STXBP4: variants seen among roughly 807,000 people sequenced by gnomAD.
STXBP4 encodes the protein syntaxin binding protein 4.
A neutral mutation model predicts 76.1 loss-of-function variants in STXBP4; 55 were observed. The ratio of observed to expected loss-of-function variants is 0.72; its 90% CI spans 0.58 to 0.91. STXBP4 has a LOEUF of 0.91. Among genes scored for constraint, STXBP4 ranks in the 40% least tolerant of loss-of-function variants. STXBP4 has a pLI of 0.00. For missense variants in STXBP4, 618 were observed against 636.9 expected, an observed-to-expected ratio of 0.97 and a Z score of 0.32; for synonymous variants, 201 against 220.2, an observed-to-expected ratio of 0.91 and a Z score of 0.77.
At chr17:55,068,871 G>A (rs1055300820) in intron 12 of STXBP4, among the ~76,000 whole-genome samples, 5 of 151,976 alleles carry the variant, frequency 3.3e-5, no homozygotes, top group African/African-American at 1.2e-4. Context: ...CCCATTCAAA[G>A]CCCATGTTTT....
At position 54,985,330 on chromosome 17, in the gene STXBP4, A is replaced by AAAC. The variant is rs367752984; in HGVS notation, c.-156-263_-156-261dup. Among the ~76,000 whole-genome samples the AAAC allele has an allele frequency of 6.2e-4, 94 of 152,162 alleles. No individual in the cohort carries two copies. The Middle Eastern group carries it at 0.014, about 22-fold the overall frequency. On this transcript the variant is annotated intron_variant, in intron 1 of 17. Coordinates refer to ENST00000376352, the MANE Select transcript of STXBP4 (RefSeq NM_178509.6). ...ACCTGAGTTCTAGTTAGGAGAAGAA[A>AAAC]AACAACAACAACAACAACAACAAAA...
In STXBP4 at chr17:55,081,147, C is replaced by A; in HGVS notation, c.1453C>A (p.Leu485Ile). 5 of 1,538,926 alleles carry A rather than the reference C, an allele frequency of 3.2e-6. No individual in the cohort carries two copies. The highest frequency in any genetic ancestry group is 4.4e-6 in the Non-Finnish European group (5 of 1,148,610). ...AACGCTGGCGCTTGAATCTAAGGAA[C>A]TTGTTAAATCTGTTCGTGCCTTACT... Reference protein sequence around the residue: ...PATLALESKELVKSVRALLDM... With the variant: ...PATLALESKEIVKSVRALLDM... Residue 485 changes from leucine to isoleucine, a missense_variant, in exon 16 of 18, where the codon CTT becomes ATT. Leu to Ile is a conservative substitution (Grantham distance 5). Coordinates refer to ENST00000376352, the MANE Select transcript of STXBP4 (RefSeq NM_178509.6).
At chr17:55,001,453 C>T (rs1047751649) in intron 7 of STXBP4, among the ~76,000 whole-genome samples, 1 of 151,906 alleles carries the variant, frequency 6.6e-6, no homozygotes, top group African/African-American at 2.4e-5. Flanking sequence ...TTTTATGTGG[C>T]TATAAGGTGC....
In STXBP4 at chr17:55,063,379, A is replaced by G. The variant is rs78979730; in HGVS notation, c.1012-9521A>G. ...ATTTTCAATGTTGGAAGAATCTGCA[A>G]TTCTTCATAGGAACCTTCCAGTTCA... is the stretch of plus-strand genomic sequence containing the variant. On this transcript the variant is annotated intron_variant, in intron 12 of 17. Coordinates refer to ENST00000376352, the MANE Select transcript of STXBP4 (RefSeq NM_178509.6). Among the ~76,000 whole-genome samples, 43 of 152,348 alleles carry G rather than the reference A, an allele frequency of 2.8e-4. No individual in the cohort carries two copies. The East Asian group carries it at 4.8e-3, about 17-fold the overall frequency.
chr17:55,159,909 T>C lies in STXBP4; in HGVS notation c.1660T>C (p.Ter554ArgextTer13). Residue 554 changes from the stop codon to arginine, a stop_lost, in exon 18 of 18, where the codon TGA (stop) becomes CGA (arginine). Coordinates refer to ENST00000376352, the MANE Select transcript of STXBP4 (RefSeq NM_178509.6). Reference protein sequence around the residue: ...CSRELPNQKS* With the variant: ...CSRELPNQKSR ...TAGAGAACTCCCCAACCAGAAAAGT[T>C]GATGGTTTTCCTTAGGAAGTGGAGC... 6.2e-7 allele frequency: 1 copy of C among 1,604,100 alleles called. No homozygotes were observed. The highest frequency in any genetic ancestry group is 8.5e-7 in the Non-Finnish European group (1 of 1,171,218).
At chr17:55,004,608 G>GT (rs1424351748) in intron 7 of STXBP4, among the ~76,000 whole-genome samples, 7 of 151,850 alleles carry the variant, frequency 4.6e-5, no homozygotes, top group African/African-American at 1.7e-4. Context: ...ATCTGAGGTG[G>GT]GAGGATCGCT....
the STXBP4 span, among the ~76,000 whole-genome samples, chr17:55,213,257 A>C: frequency 6.6e-6 from 1 of 152,170 alleles, no homozygotes; most frequent in African/African-American, 2.4e-5. Flanking sequence ...TCATGCCTGT[A>C]ATCCCAGCAC....
At chr17:55,149,399 T>TA (rs2080190766) in intron 17 of STXBP4, among the ~76,000 whole-genome samples, 1 of 152,218 alleles carries the variant, frequency 6.6e-6, no homozygotes, top group Non-Finnish European at 1.5e-5. Context: ...CTTTTAAGTG[T>TA]GACCTTGGTA....
rs1451521633 is a variant in STXBP4 at position 55,168,944 on chromosome 17, T to C, written c.*9033T>C. The stretch of plus-strand genomic sequence containing the variant: ...TCTCAATAGTCCTTAAATGGTTTAT[T>C]GACCAAAAAGTAAAGAAGTAACAGT... On this transcript the variant is annotated 3_prime_UTR_variant, in exon 18 of 18. Transcript: ENST00000376352. 6.6e-6 allele frequency: 1 copy of C among 152,214 alleles called. No individual in the cohort carries two copies. Among genetic ancestry groups the C allele is most frequent in the Admixed American group, 6.5e-5 (1 of 15,284 alleles). The allele number at this position is 152,214 out of a possible 1,614,324, so 9.4% of individuals were successfully genotyped here.
At chr17:55,114,644 T>A (rs1307041255) in intron 16 of STXBP4, among the ~76,000 whole-genome samples, 2 of 152,048 alleles carry the variant, frequency 1.3e-5, no homozygotes, top group Non-Finnish European at 2.9e-5. Flanking sequence ...CAGAAAAGGC[T>A]TAACATTTAA....
At chr17:55,185,263 CCTTCTCCTTCTCCTT>C in the STXBP4 span, among the ~76,000 whole-genome samples, 17 of 51,464 alleles carry the variant, frequency 3.3e-4, no homozygotes, top group African/African-American at 1.3e-3. Context: ...TTCTCCTTCT[CCTTCTCCTTCTCCTT>C]CTCCTTCTCC....
At chr17:55,095,283 A>G (rs959826605) in intron 16 of STXBP4, among the ~76,000 whole-genome samples, 7 of 152,226 alleles carry the variant, frequency 4.6e-5, no homozygotes, top group Admixed American at 1.3e-4. Flanking sequence ...GATTCCTTTC[A>G]CAATTAGAAC....
At chr17:55,127,034 A>G (rs1005998069) in intron 16 of STXBP4, among the ~76,000 whole-genome samples, 19 of 152,192 alleles carry the variant, frequency 1.2e-4, no homozygotes, top group African/African-American at 4.6e-4. Flanking sequence ...ATGTAAGTGT[A>G]CAATTCACTG....
chr17:55,014,812 C>T (rs1430694359), intron 8 of STXBP4, among the ~76,000 whole-genome samples: 1 of 152,122 alleles, frequency 6.6e-6, no homozygotes, highest in Non-Finnish European at 1.5e-5. Flanking sequence ...CCTCGTAGGC[C>T]ACACTGGAAG....
intron 8 of STXBP4, among the ~76,000 whole-genome samples, chr17:55,018,331 A>T (rs775411733): frequency 2.0e-4 from 30 of 152,200 alleles, no homozygotes; most frequent in Non-Finnish European, 3.5e-4. Flanking sequence ...ATTGAGAGGG[A>T]TGGAAGTCAG....
chr17:55,022,872 A>T (rs562216474), intron 8 of STXBP4, among the ~76,000 whole-genome samples: 1 of 152,304 alleles, frequency 6.6e-6, no homozygotes, highest in East Asian at 1.9e-4. Flanking sequence ...ATTTCTTTAT[A>T]GGCCAAGGTG....
chr17:55,058,635 C>T (rs1485858102), intron 12 of STXBP4, among the ~76,000 whole-genome samples: 2 of 152,032 alleles, frequency 1.3e-5, no homozygotes, highest in Non-Finnish European at 2.9e-5. Flanking sequence ...TGATATGGCC[C>T]ACTGAAAGCT....
intron 16 of STXBP4, among the ~76,000 whole-genome samples, chr17:55,094,604 C>T (rs73992606): frequency 6.6e-6 from 1 of 152,148 alleles, no homozygotes; most frequent in Non-Finnish European, 1.5e-5. Context: ...CATATTGTTT[C>T]AATGAGTAAA....
chr17:55,027,527 A>G (rs1300351348), intron 8 of STXBP4, among the ~76,000 whole-genome samples: 3 of 152,190 alleles, frequency 2.0e-5, no homozygotes, highest in African/African-American at 4.8e-5. Flanking sequence ...CAATTCATCT[A>G]TGTAATCAAA....
Sources: allele counts gnomAD v4.1 joint callset (sites outside exome capture counted in the v4.1 genomes callset), GRCh38; gene constraint gnomAD v4.1.1; transcripts MANE v1.5; gene names NCBI Gene and HGNC (gene_info 2026-07-23, HGNC 2026-07-21).